Variants in MPDZ observed in about 807,000 individuals in gnomAD.
MPDZ encodes multiple PDZ domain protein.
A neutral mutation model predicts 239.1 loss-of-function variants in MPDZ; 234 were observed. The ratio of observed to expected loss-of-function variants is 0.98; its 90% CI spans 0.88 to 1.09. The LOEUF is 1.09. Ranked by LOEUF, MPDZ falls within the 50% of genes least tolerant of loss-of-function variation. MPDZ has a pLI of 0.00. For synonymous variants in MPDZ, 1,048 were observed against 881.3 expected, an observed-to-expected ratio of 1.19 and a Z score of -3.35; for missense variants, 3,175 against 2,510.0, an observed-to-expected ratio of 1.26 and a Z score of -5.66.
chr9:13,247,058 T>C (rs1051956744), intron 3 of MPDZ, among the ~76,000 whole-genome samples: 2 of 152,212 alleles, frequency 1.3e-5, no homozygotes, highest in East Asian at 1.9e-4. Context: ...AAAAGCACTG[T>C]GTTACATTTA....
intron 12 of MPDZ, among the ~76,000 whole-genome samples, chr9:13,202,510 C>T (rs1352972869): frequency 2.6e-5 from 4 of 152,312 alleles, no homozygotes; most frequent in South Asian, 4.1e-4. Flanking sequence ...ACCCACTTAT[C>T]AGAGTGCAGA....
chr9:13,115,123 C>T, intron 40 of MPDZ, 125 bp downstream of exon 40: 4 of 709,222 alleles, frequency 5.6e-6, no homozygotes, highest in Admixed American at 2.4e-5. Context: ...TCAAACTCTG[C>T]ACCTCAGTCA....
At chr9:13,119,187 G>A (rs964451541) in intron 39 of MPDZ, among the ~76,000 whole-genome samples, 3 of 152,074 alleles carry the variant, frequency 2.0e-5, no homozygotes, top group Non-Finnish European at 4.4e-5. Flanking sequence ...AGACTCATGC[G>A]ATCCTCCCAC....
chr9:13,122,344 A>G (rs1944477910), intron 36 of MPDZ, among the ~76,000 whole-genome samples, 174 bp from the exon 37 acceptor site: 1 of 152,198 alleles, frequency 6.6e-6, no homozygotes, highest in Non-Finnish European at 1.5e-5. Context: ...ATTTTTGCTA[A>G]AAGGCTCAAA....
intron 10 of MPDZ, among the ~76,000 whole-genome samples, chr9:13,207,376 C>T (rs1957122306): frequency 6.6e-6 from 1 of 152,124 alleles, no homozygotes; most frequent in African/African-American, 2.4e-5. Context: ...CCACCAGCCC[C>T]AACCTCATCT....
intron 3 of MPDZ, among the ~76,000 whole-genome samples, chr9:13,238,562 A>G (rs1964645104): frequency 6.6e-6 from 1 of 151,796 alleles, no homozygotes; most frequent in Non-Finnish European, 1.5e-5. Context: ...ACCCACCCAC[A>G]TGTGTCCGTG....
At chr9:13,132,030 T>C (rs541696001) in intron 32 of MPDZ, among the ~76,000 whole-genome samples, 1 of 152,346 alleles carries the variant, frequency 6.6e-6, no homozygotes, top group Non-Finnish European at 1.5e-5. Context: ...AATAAATACA[T>C]TCTAGCTACC....
chr9:13,186,557 T>G (rs1226353524), intron 17 of MPDZ, among the ~76,000 whole-genome samples, 171 bp from the exon 18 acceptor site: 1 of 152,148 alleles, frequency 6.6e-6, no homozygotes, highest in Non-Finnish European at 1.5e-5. Flanking sequence ...AATCTGATAT[T>G]CATATTTGAC....
chr9:13,138,609 A>AATG (rs1302761444), intron 28 of MPDZ, among the ~76,000 whole-genome samples: 6 of 152,186 alleles, frequency 3.9e-5, no homozygotes, highest in African/African-American at 1.4e-4. Flanking sequence ...ATATATGCAA[A>AATG]ATGAAGAGAA....
chr9:13,228,350 A>G (rs1537206), intron 3 of MPDZ, among the ~76,000 whole-genome samples: 149,534 of 152,098 alleles, frequency 0.98, 73,554 homozygotes, highest in Middle Eastern at 1. Flanking sequence ...CAACTTATTC[A>G]ATTTAAAAGT....
chr9:13,125,108 C>T (rs1489975916), intron 35 of MPDZ, 108 bp downstream of exon 35: 9 of 1,053,652 alleles, frequency 8.5e-6, no homozygotes, highest in Non-Finnish European at 1.1e-5. Flanking sequence ...CTGACTACAA[C>T]CTTCCAAACA....
chr9:13,176,084 T>A (rs1952446157), intron 20 of MPDZ, 52 bp downstream of exon 20: 1 of 1,493,310 alleles, frequency 6.7e-7, no homozygotes. Flanking sequence ...TAACCTTACT[T>A]CACTATTCCC....
chr9:13,270,593 T>C (rs1167117416), intron 1 of MPDZ, among the ~76,000 whole-genome samples: 1 of 151,846 alleles, frequency 6.6e-6, no homozygotes, highest in African/African-American at 2.4e-5. Context: ...ATCTCAACAA[T>C]GTTTACACTG....
intron 21 of MPDZ, among the ~76,000 whole-genome samples, chr9:13,170,324 G>C (rs1488362736): frequency 6.6e-6 from 1 of 152,102 alleles, no homozygotes; most frequent in East Asian, 1.9e-4. Flanking sequence ...CATAGTGGAT[G>C]TGGGCAATTC....
chr9:13,219,320 C>T (rs918077925), intron 8 of MPDZ, among the ~76,000 whole-genome samples: 21 of 151,820 alleles, frequency 1.4e-4, no homozygotes, highest in African/African-American at 4.8e-4. Flanking sequence ...AAATATGCTG[C>T]TTAAATAAAA....
chr9:13,189,008 A>G lies in MPDZ; in HGVS notation c.2155-15T>C. 2.5e-6 allele frequency: 4 copies of G among 1,605,958 alleles called. No individual in the cohort carries two copies. Among genetic ancestry groups the G allele is most frequent in the Non-Finnish European group, 3.4e-6 (4 of 1,174,532 alleles). The stretch of plus-strand genomic sequence containing the variant: ...TCAATTGGATCCTGACAGAAGGCAA[A>G]AGGAAAGAGTCAGCTCATTTTACAA... On this transcript the variant is annotated splice_polypyrimidine_tract_variant and intron_variant, in intron 16 of 46. Transcript: ENST00000319217.
rs1438372492 is a variant in MPDZ at position 13,119,562 on chromosome 9, T to C, written c.5319A>G (p.Leu1773=). Residue 1773 remains leucine (L), a synonymous_variant, in exon 39 of 47, where the codon TTA becomes TTG. Transcript: ENST00000319217. ...TACGAACGTCTTCCCCATTCACCAT[T>C]AATATCTGGTCTCCCTGCATCAGTC... The part of the protein sequence containing the change: ...DGRLMQGDQI[L]MVNGEDVRNA... 3.7e-6 allele frequency: 6 copies of C among 1,613,992 alleles called. No homozygotes were observed. Among genetic ancestry groups the C allele is most frequent in the Non-Finnish European group, 5.1e-6 (6 of 1,179,852 alleles).
At chr9:13,126,425 A>G in intron 34 of MPDZ, 91 bp downstream of exon 34, 1 of 799,396 alleles carries the variant, frequency 1.3e-6, no homozygotes, top group Non-Finnish European at 2.0e-6. Flanking sequence ...ACAGCTACAT[A>G]ACCCTAATTC....
chr9:13,129,244 C>T (rs186392960), intron 32 of MPDZ, among the ~76,000 whole-genome samples: 1,592 of 152,188 alleles, frequency 0.01, 24 homozygotes, highest in African/African-American at 0.037. Context: ...AGGTGGATCA[C>T]CTGAGGTCAG....
Sources: allele counts gnomAD v4.1 joint callset (sites outside exome capture counted in the v4.1 genomes callset), GRCh38; gene constraint gnomAD v4.1.1; transcripts MANE v1.5; gene names NCBI Gene and HGNC (gene_info 2026-07-23, HGNC 2026-07-21).